CFAP77: variants seen among roughly 807,000 people sequenced by gnomAD.
The protein encoded by CFAP77 is cilia- and flagella-associated protein 77.
In CFAP77, 25 loss-of-function variants were observed where a neutral mutation model predicts 31.1. That is an observed-to-expected ratio of 0.80 (90% CI 0.59 to 1.12). CFAP77 has a LOEUF of 1.12. CFAP77 is among the 50% of genes most tolerant of loss of function. The pLI, the probability that CFAP77 is intolerant of heterozygous loss-of-function variation, is 0.00. For missense variants in CFAP77, 377 were observed against 397.3 expected (o/e 0.95, Z 0.44); for synonymous variants, 151 against 159.9 (o/e 0.94, Z 0.42).
chr9:132,459,889 TGTGA>T (rs1205600981), intron 1 of CFAP77, among the ~76,000 whole-genome samples: 1 of 151,552 alleles, frequency 6.6e-6, no homozygotes, highest in East Asian at 1.9e-4. Flanking sequence ...TGTATGTGGG[TGTGA>T]GTGTGTTAGT....
At chr9:132,468,809 A>G (rs1033446106) in intron 1 of CFAP77, among the ~76,000 whole-genome samples, 2 of 149,160 alleles carry the variant, frequency 1.3e-5, no homozygotes, top group Non-Finnish European at 3.0e-5. Flanking sequence ...ACACACACAC[A>G]CGCACGCACA....
intron 3 of CFAP77, among the ~76,000 whole-genome samples, chr9:132,532,379 A>G (rs1852468084): frequency 6.6e-6 from 1 of 152,244 alleles, no homozygotes; most frequent in South Asian, 2.1e-4. Flanking sequence ...GAGCGGAGCC[A>G]GCCTGATAGG....
chr9:132,493,409 G>C (rs1341585302), intron 1 of CFAP77, among the ~76,000 whole-genome samples: 1 of 152,230 alleles, frequency 6.6e-6, no homozygotes, highest in Non-Finnish European at 1.5e-5. Flanking sequence ...TCATTGTGTT[G>C]TTGTTGCTGT....
rs184920217 is a variant in CFAP77, at chr9:132,525,053, T to C, written c.525-12548T>C. 2.4e-4 allele frequency among the ~76,000 whole-genome samples: 35 copies of C among 147,844 alleles called. 2 individuals carry two copies. Among genetic ancestry groups the C allele is most frequent in the Non-Finnish European group, 5.0e-4 (33 of 66,398 alleles). Reference sequence around the variant, plus strand: ...TTTTTTTTTTGAGATGGAGCCTCATTGTGACGCCCAGGTTGGAGTGCAATG... The same window carrying C: ...TTTTTTTTTTGAGATGGAGCCTCATCGTGACGCCCAGGTTGGAGTGCAATG... On this transcript the variant is annotated intron_variant, in intron 3 of 5. Transcript: ENST00000393216.
intron 1 of CFAP77, among the ~76,000 whole-genome samples, chr9:132,433,684 A>C (rs1195072442): frequency 6.6e-6 from 1 of 151,786 alleles, no homozygotes; most frequent in African/African-American, 2.4e-5. Flanking sequence ...AGTAGCTGGG[A>C]TTACAGGTGT....
At chr9:132,500,165 A>C (rs1180714926) in intron 3 of CFAP77, among the ~76,000 whole-genome samples, 1 of 151,854 alleles carries the variant, frequency 6.6e-6, no homozygotes, top group Non-Finnish European at 1.5e-5. Flanking sequence ...AAAAAAAAAA[A>C]AAAAACCTGT....
At chr9:132,433,805 C>T (rs956823917) in intron 1 of CFAP77, among the ~76,000 whole-genome samples, 1 of 152,040 alleles carries the variant, frequency 6.6e-6, no homozygotes, top group African/African-American at 2.4e-5. Flanking sequence ...GCCTCGGCCT[C>T]CCAAAGTGCT....
chr9:132,548,285 G>T (rs1852766324), intron 5 of CFAP77, among the ~76,000 whole-genome samples: 1 of 116,474 alleles, frequency 8.6e-6, no homozygotes, highest in Non-Finnish European at 1.8e-5. Context: ...GGGGGGGTGG[G>T]GGGTGAAGCT....
In CFAP77 at chr9:132,525,103, T is replaced by G. The variant is rs1480471379; in HGVS notation, c.525-12498T>G. On this transcript the variant is annotated intron_variant, in intron 3 of 5. Transcript: ENST00000393216. Reference sequence around the variant, plus strand: ...GGCACAATCTCAGCTCACTGCAACCTCCGCTTCCCGAGTTCAAGCGGTTCT... The same window carrying G: ...GGCACAATCTCAGCTCACTGCAACCGCCGCTTCCCGAGTTCAAGCGGTTCT... Among the ~76,000 whole-genome samples, 6 of 147,442 alleles carry G rather than the reference T, an allele frequency of 4.1e-5. 1 individual carries two copies. The highest frequency in any genetic ancestry group is 9.0e-5 in the Non-Finnish European group (6 of 66,488).
intron 1 of CFAP77, among the ~76,000 whole-genome samples, chr9:132,447,766 A>T (rs912111504): frequency 6.6e-6 from 1 of 152,206 alleles, no homozygotes; most frequent in Non-Finnish European, 1.5e-5. Flanking sequence ...AAAAGGTAGA[A>T]CATACCAGAA....
intron 1 of CFAP77, among the ~76,000 whole-genome samples, chr9:132,438,311 A>T (rs1472975750): frequency 1.3e-5 from 2 of 150,972 alleles, no homozygotes; most frequent in Non-Finnish European, 2.9e-5. Context: ...TTAATTTTTA[A>T]TGATGTTCCT....
chr9:132,412,257 G>A (rs938667047), intron 1 of CFAP77, among the ~76,000 whole-genome samples: 2 of 152,242 alleles, frequency 1.3e-5, no homozygotes, highest in African/African-American at 2.4e-5. Flanking sequence ...CCATGCTGGA[G>A]CAGCAGGGAC....
chr9:132,516,752 C>G (rs1478000716), intron 3 of CFAP77, among the ~76,000 whole-genome samples: 5 of 152,072 alleles, frequency 3.3e-5, no homozygotes, highest in Non-Finnish European at 7.4e-5. Flanking sequence ...GATCTCTCTG[C>G]ATCATTTCGT....
intron 1 of CFAP77, among the ~76,000 whole-genome samples, chr9:132,422,823 A>G (rs1297861980): frequency 6.6e-6 from 1 of 151,580 alleles, no homozygotes; most frequent in Non-Finnish European, 1.5e-5. Flanking sequence ...AAAGGGATAC[A>G]CTCCCAGTGG....
At chr9:132,467,472 T>C (rs993423778) in intron 1 of CFAP77, among the ~76,000 whole-genome samples, 3 of 152,236 alleles carry the variant, frequency 2.0e-5, no homozygotes, top group Admixed American at 6.5e-5. Context: ...CTGGCTTCTT[T>C]CACTTAGCAC....
At chr9:132,468,809 A>ACACACG (rs113183746) in intron 1 of CFAP77, among the ~76,000 whole-genome samples, 38 of 149,278 alleles carry the variant, frequency 2.5e-4, no homozygotes, top group Admixed American at 1.1e-3. Flanking sequence ...ACACACACAC[A>ACACACG]CGCACGCACA....
At chr9:132,502,120 C>T (rs1851855554) in intron 3 of CFAP77, among the ~76,000 whole-genome samples, 1 of 152,196 alleles carries the variant, frequency 6.6e-6, no homozygotes, top group Admixed American at 6.5e-5. Context: ...AAGCCAACAT[C>T]TCAGCCCATC....
chr9:132,410,338 C>T lies in CFAP77; in HGVS notation c.67C>T (p.Arg23Cys), dbSNP rs1269060109. ...GAGGAAGCAGCAGCAGCCTGTGCGC[C>T]GCACGGTCAGCCAGGTCTGCCCGCC... The part of the protein sequence containing the change: ...RWRKQQQPVR[R>C]TVSQVCPPPR... Residue 23 changes from arginine to cysteine, a missense_variant, in exon 1 of 6, where the codon CGC becomes TGC. Physicochemically the swap from Arg to Cys is radical, Grantham distance 180 (BLOSUM62 -3). Transcript: ENST00000393216. 5 of 1,598,514 alleles carry T rather than the reference C, an allele frequency of 3.1e-6. No homozygotes were observed. Among genetic ancestry groups the T allele is most frequent in the South Asian group, 2.2e-5 (2 of 89,414 alleles).
rs113226727 is a variant in CFAP77 at position 132,554,939 on chromosome 9, CCCATCCATCCATCCATCCATCCAT to C, written c.732+11919_732+11942del. Among the ~76,000 whole-genome samples, 6 of 146,686 alleles carry C rather than the reference CCCATCCATCCATCCATCCATCCAT, an allele frequency of 4.1e-5. No homozygotes were observed. Among genetic ancestry groups the C allele is most frequent in the African/African-American group, 5.1e-5 (2 of 39,446 alleles). Reference sequence around the variant, plus strand: ...ATGCATGCATGCATCCATCCATCCACCCATCCATCCATCCATCCATCCATCCATCCATCCATCCATCCATCCATC... The same window carrying C: ...ATGCATGCATGCATCCATCCATCCACCCATCCATCCATCCATCCATCCATC... On this transcript the variant is annotated intron_variant, in intron 5 of 5. Transcript: ENST00000393216. The surrounding 1 kb of genome is among the most constrained non-coding windows in gnomAD (Gnocchi z 4.1).
Sources: gnomAD v4.1 joint callset for allele counts (sites outside exome capture counted in the v4.1 genomes callset) on GRCh38, gnomAD v4.1.1 for gene constraint, Gnocchi (gnomAD v3.1) non-coding constraint, MANE v1.5 for transcripts, NCBI Gene and HGNC (gene_info 2026-07-23, HGNC 2026-07-21) for gene names.